The following DLG5 variants were observed in gnomAD, a reference collection of about 807,000 sequenced individuals.
DLG5 encodes the protein discs large MAGUK scaffold protein 5, also known as disks large homolog 5.
A neutral mutation model predicts 189.8 loss-of-function variants in DLG5; 48 were observed. That is an observed-to-expected ratio of 0.25 (90% confidence interval 0.20 to 0.32). The LOEUF is 0.32. Among genes scored for constraint, DLG5 ranks in the 10% least tolerant of loss-of-function variants. The pLI is 1.00. For synonymous variants in DLG5, 1,016 were observed against 1,054.1 expected (o/e 0.96, Z 0.70); for missense variants, 2,160 against 2,544.7 (o/e 0.85, Z 3.25).
chr10:77,913,205 G>A (rs1030994067), intron 1 of DLG5, among the ~76,000 whole-genome samples: 4 of 152,070 alleles, frequency 2.6e-5, no homozygotes, highest in African/African-American at 9.7e-5. Context: ...ATTGCAAGTC[G>A]CCACCTAGAA....
chr10:77,834,538 C>G (rs1843032294), intron 8 of DLG5, among the ~76,000 whole-genome samples: 1 of 152,168 alleles, frequency 6.6e-6, no homozygotes, highest in Non-Finnish European at 1.5e-5. Flanking sequence ...CCAGCCAGTC[C>G]TCATGCATCT....
intron 1 of DLG5, among the ~76,000 whole-genome samples, chr10:77,872,408 C>T (rs1020656604): frequency 2.6e-5 from 4 of 152,204 alleles, no homozygotes; most frequent in Non-Finnish European, 4.4e-5. Context: ...CTTCCCTGTC[C>T]CTGCAGTCCT....
intron 27 of DLG5, among the ~76,000 whole-genome samples, chr10:77,804,681 G>A (rs1841383392): frequency 6.6e-6 from 1 of 152,222 alleles, no homozygotes; most frequent in East Asian, 1.9e-4. Context: ...ACCAGGGGAT[G>A]TCTGACATCT....
chr10:77,803,722 T>C (rs1405912482), intron 27 of DLG5, among the ~76,000 whole-genome samples: 1 of 152,162 alleles, frequency 6.6e-6, no homozygotes, highest in Non-Finnish European at 1.5e-5. Flanking sequence ...GACAAAGGGC[T>C]ATTTTTTAAA....
At position 77,806,918 on chromosome 10, in the gene DLG5, C is replaced by T. The variant is rs371629168; in HGVS notation, c.4807G>A (p.Asp1603Asn). 7 of 1,613,376 alleles carry T rather than the reference C, an allele frequency of 4.3e-6. No homozygotes were observed. The highest frequency in any genetic ancestry group is 3.3e-5 in the Admixed American group (2 of 60,028). ...TCTTGCTCCACATCTGCCAGCCGGT[C>T]GTACAGGGCCCTGGACCACAGCACA... is the stretch of plus-strand genomic sequence containing the variant. The part of the protein sequence containing the change: ...GDSFYIRALY[D>N]RLADVEQELS... Residue 1603 changes from aspartate to asparagine, a missense_variant, in exon 26 of 32, where the codon GAC (aspartate) becomes AAC (asparagine). By Grantham distance (23) the Asp-to-Asn change is conservative. Around this residue, in one of 5 missense-constraint regions of DLG5, gnomAD observed 574 missense variants for 644.2 expected, o/e 0.89. Coordinates refer to ENST00000372391, the MANE Select transcript of DLG5 (RefSeq NM_004747.4).
chr10:77,794,690 C>T (rs750428568), intron 30 of DLG5, among the ~76,000 whole-genome samples, 159 bp downstream of exon 30: 8 of 152,190 alleles, frequency 5.3e-5, no homozygotes, highest in Non-Finnish European at 1.2e-4. Flanking sequence ...ACAGGGCCGA[C>T]AGGGAAGGGT....
chr10:77,880,569 C>A (rs1422239499), intron 1 of DLG5, among the ~76,000 whole-genome samples: 1 of 152,148 alleles, frequency 6.6e-6, no homozygotes, highest in Non-Finnish European at 1.5e-5. Flanking sequence ...AAGACAGACA[C>A]ACAATCCTCC....
In DLG5 at chr10:77,807,876, A is replaced by G; in HGVS notation, c.4716T>C (p.Asp1572=). Residue 1572 remains aspartate (D), a synonymous_variant, in exon 25 of 32, where the codon GAT becomes GAC. Transcript: ENST00000372391. ...GGTACTGCACCTTCAGGCGGACGCC[A>G]TCCCTGGGCTTCAGCATCTCCACAT... ...EVYVEMLKPR[D]GVRLKVQYRP... is the part of the protein sequence containing the mutation. 1 of 1,614,218 alleles carries G rather than the reference A, an allele frequency of 6.2e-7. No homozygotes were observed. Among genetic ancestry groups the G allele is most frequent in the Non-Finnish European group, 8.5e-7 (1 of 1,180,032 alleles).
intron 2 of DLG5, among the ~76,000 whole-genome samples, chr10:77,863,453 A>G (rs960306825): frequency 6.6e-6 from 1 of 152,126 alleles, no homozygotes; most frequent in Non-Finnish European, 1.5e-5. Flanking sequence ...TCATCCTAAG[A>G]GTGATGTTGA....
chr10:77,878,944 C>CGAATG (rs1845188976), intron 1 of DLG5, among the ~76,000 whole-genome samples: 1 of 152,202 alleles, frequency 6.6e-6, no homozygotes, highest in African/African-American at 2.4e-5. Flanking sequence ...ACACAAGGCC[C>CGAATG]ACTCATTCGC....
chr10:77,836,161 T>C (rs1004424033), intron 7 of DLG5, among the ~76,000 whole-genome samples: 1 of 152,166 alleles, frequency 6.6e-6, no homozygotes, highest in Non-Finnish European at 1.5e-5. Context: ...TACTGAGTTA[T>C]TTTTAAAGAC....
intron 2 of DLG5, chr10:77,867,153 C>A (rs1844715511): frequency 2.2e-6 from 1 of 447,432 alleles, no homozygotes; most frequent in Non-Finnish European, 4.5e-6. Flanking sequence ...GACGCTTCTT[C>A]CAGAATATGC....
At chr10:77,934,842 C>CTTTTTTTTTTTTT in the DLG5 span, among the ~76,000 whole-genome samples, 11 of 145,096 alleles carry the variant, frequency 7.6e-5, no homozygotes, top group African/African-American at 2.7e-4. Flanking sequence ...GGGTGCTGTT[C>CTTTTTTTTTTTTT]TTTTTTTTTG....
chr10:77,831,492 GC>G (rs1486108831), intron 9 of DLG5, among the ~76,000 whole-genome samples: 1 of 152,144 alleles, frequency 6.6e-6, no homozygotes, highest in African/African-American at 2.4e-5. Flanking sequence ...ATACAAAAAG[GC>G]ATCAGAATCA....
chr10:77,794,712 C>T (rs1225214605), intron 30 of DLG5, 137 bp downstream of exon 30: 9 of 654,400 alleles, frequency 1.4e-5, no homozygotes, highest in South Asian at 5.7e-5. Context: ...ATTTTCTACA[C>T]GTACTGCCTA....
chr10:77,825,126 T>C (rs1004253511), intron 13 of DLG5, among the ~76,000 whole-genome samples: 1 of 152,196 alleles, frequency 6.6e-6, no homozygotes, highest in African/African-American at 2.4e-5. Context: ...CTTGCAGGCA[T>C]GGTGCGGAAT....
At chr10:77,794,817 C>T (rs1380832727) in intron 30 of DLG5, 32 bp downstream of exon 30, 8 of 1,589,472 alleles carry the variant, frequency 5.0e-6, no homozygotes, top group Non-Finnish European at 6.0e-6. Flanking sequence ...TGTGACAAGG[C>T]CCCAGCGGAG....
In DLG5 at chr10:77,792,204, T is replaced by C. The variant is rs1451093527; in HGVS notation, c.*236A>G. The C allele has an allele frequency of 1.3e-5, 7 of 559,954 alleles. No individual in the cohort carries two copies. Among genetic ancestry groups the C allele is most frequent in the Admixed American group, 3.1e-5 (1 of 31,808 alleles). 34.7% of individuals were successfully genotyped at this position (559,954 alleles called of 1,614,324 possible). On this transcript the variant is annotated 3_prime_UTR_variant, in exon 32 of 32. Coordinates refer to ENST00000372391, the MANE Select transcript of DLG5 (RefSeq NM_004747.4). ...GTGGGTGCTGAACCCGTCTTTAGTG[T>C]TATCTGTTTTGTGTTAAAGCACACG... is the stretch of plus-strand genomic sequence containing the variant.
At chr10:77,932,639 A>G in the DLG5 span, among the ~76,000 whole-genome samples, 1 of 152,188 alleles carries the variant, frequency 6.6e-6, no homozygotes, top group African/African-American at 2.4e-5. Flanking sequence ...TATAAAAAAT[A>G]AAAAAGGAGA....
Sources: gnomAD v4.1 joint callset for allele counts (sites outside exome capture counted in the v4.1 genomes callset) on GRCh38, gnomAD v4.1.1 for gene constraint, gnomAD v4.1.1 regional missense constraint, MANE v1.5 for transcripts, NCBI Gene and HGNC (gene_info 2026-07-23, HGNC 2026-07-21) for gene names.